Variants in RABGAP1L observed in about 807,000 individuals in gnomAD.
The protein encoded by RABGAP1L is RAB GTPase activating protein 1 like, also known as rab GTPase-activating protein 1-like.
In RABGAP1L, 63 loss-of-function variants were observed where a neutral mutation model predicts 137.7. That is an observed-to-expected ratio of 0.46 (90% confidence interval 0.37 to 0.56). RABGAP1L has a LOEUF of 0.56. Among genes scored for constraint, RABGAP1L ranks in the 20% least tolerant of loss-of-function variants. The pLI is 0.00. For missense variants in RABGAP1L, 1,095 were observed against 1,244.0 expected (o/e 0.88, Z 1.80); for synonymous variants, 431 against 433.7 (o/e 0.99, Z 0.08).
intron 19 of RABGAP1L, among the ~76,000 whole-genome samples, chr1:174,883,943 G>A (rs893962853): frequency 2.6e-5 from 4 of 152,306 alleles, no homozygotes; most frequent in Admixed American, 2.6e-4. Flanking sequence ...CAAAAGTGGA[G>A]ATTGCTATAG....
chr1:174,863,228 T>C (rs1220790821), intron 19 of RABGAP1L, among the ~76,000 whole-genome samples: 1 of 2,788 alleles, frequency 3.6e-4, no homozygotes, highest in Non-Finnish European at 6.2e-4. Flanking sequence ...ATGAGTTGTT[T>C]GTAGCAAAAA....
At chr1:174,983,039 T>C in intron 24 of RABGAP1L, 134 bp downstream of exon 24, 2 of 916,840 alleles carry the variant, frequency 2.2e-6, no homozygotes, top group South Asian at 3.1e-5. Flanking sequence ...CTAGGATACC[T>C]CTCTTCTGAC....
intron 14 of RABGAP1L, among the ~76,000 whole-genome samples, chr1:174,673,856 G>T (rs970039531): frequency 6.6e-6 from 1 of 152,146 alleles, no homozygotes; most frequent in Non-Finnish European, 1.5e-5. Flanking sequence ...AATAAAGATA[G>T]TTCTGTGGAA....
chr1:174,909,663 A>G (rs1321398581), intron 19 of RABGAP1L, among the ~76,000 whole-genome samples: 2 of 152,260 alleles, frequency 1.3e-5, no homozygotes, highest in African/African-American at 4.8e-5. Context: ...AAAAAAATAG[A>G]GAAGACCCAA....
chr1:174,465,818 A>G lies in RABGAP1L; in HGVS notation c.1710+71673A>G, dbSNP rs151254027. 1.4e-3 allele frequency among the ~76,000 whole-genome samples: 214 copies of G among 152,260 alleles called. 1 individual carries two copies. Among genetic ancestry groups the G allele is most frequent in the Non-Finnish European group, 2.3e-3 (157 of 68,002 alleles). The stretch of plus-strand genomic sequence containing the variant: ...ATGGACTTGGCACTTTTAACATATG[A>G]TCTTATGGTGAAAGACTTCTGATCT... On this transcript the variant is annotated intron_variant, in intron 13 of 25. Coordinates refer to ENST00000681986, the MANE Select transcript of RABGAP1L (RefSeq NM_001366446.1).
intron 18 of RABGAP1L, chr1:174,799,926 T>C (rs1688578527): frequency 1.1e-6 from 1 of 940,172 alleles, no homozygotes; most frequent in Admixed American, 1.1e-4. Flanking sequence ...ACACACCCTT[T>C]CTCGCACACA....
intron 14 of RABGAP1L, among the ~76,000 whole-genome samples, chr1:174,676,860 C>T (rs1029845464): frequency 6.6e-6 from 1 of 152,078 alleles, no homozygotes; most frequent in Admixed American, 6.5e-5. Context: ...TCTTTCCTCT[C>T]ATAATTTGAA....
At position 174,994,218 on chromosome 1, in the gene RABGAP1L, A is replaced by C. The variant is rs1476339464; in HGVS notation, c.*4217A>C. On this transcript the variant is annotated 3_prime_UTR_variant, in exon 26 of 26. Transcript: ENST00000681986. ...TCTTTCAAAAGTGACCAAAATGAGG[A>C]CTTCAACCTTGGCTGCACCTCAATA... The C allele has an allele frequency of 2.0e-5, 3 of 152,248 alleles. No homozygotes were observed. In the East Asian group the frequency reaches 5.8e-4, roughly 29 times the overall value. The allele number at this position is 152,248 out of a possible 1,614,324, so 9.4% of individuals were successfully genotyped here.
chr1:174,807,569 A>C (rs1689434525), intron 18 of RABGAP1L, among the ~76,000 whole-genome samples: 1 of 152,214 alleles, frequency 6.6e-6, no homozygotes, highest in South Asian at 2.1e-4. Context: ...TTGAGGTAAT[A>C]CTTAATGATT....
chr1:174,327,131 C>T (rs1295042139), intron 11 of RABGAP1L, among the ~76,000 whole-genome samples: 2 of 151,888 alleles, frequency 1.3e-5, no homozygotes, highest in Non-Finnish European at 2.9e-5. Flanking sequence ...GATATAAAAC[C>T]CACAGGAAAA....
chr1:174,901,054 TC>T (rs1658060212), intron 19 of RABGAP1L, among the ~76,000 whole-genome samples: 2 of 152,206 alleles, frequency 1.3e-5, no homozygotes, highest in Non-Finnish European at 2.9e-5. Flanking sequence ...GTCTTCAAGC[TC>T]TGAAATTCTT....
chr1:174,187,275 TGGCA>T (rs1666875777), intron 1 of RABGAP1L, among the ~76,000 whole-genome samples: 4 of 151,664 alleles, frequency 2.6e-5, no homozygotes, highest in Admixed American at 6.6e-5. Flanking sequence ...CTGCCAAATG[TGGCA>T]GGTAGAGTGA....
intron 14 of RABGAP1L, among the ~76,000 whole-genome samples, chr1:174,660,732 A>G (rs1323419987): frequency 6.6e-6 from 1 of 152,180 alleles, no homozygotes; most frequent in Non-Finnish European, 1.5e-5. Context: ...CACTTATCCA[A>G]GAAATCTACA....
In RABGAP1L at chr1:174,829,269, A is replaced by G. The variant is rs774351647; in HGVS notation, c.2340+17309A>G. ...ATTTTCCCTGAAAATACTTCTGGTA[A>G]TAAACAGGAAAATCCTCAAATGTTA... On this transcript the variant is annotated intron_variant, in intron 19 of 25. Transcript: ENST00000681986. Among the ~76,000 whole-genome samples, 58 of 148,484 alleles carry G rather than the reference A, an allele frequency of 3.9e-4. 5 individuals carry two copies. The highest frequency in any genetic ancestry group is 7.6e-4 in the Non-Finnish European group (51 of 66,670).
chr1:174,615,737 C>T (rs960335886), intron 13 of RABGAP1L, among the ~76,000 whole-genome samples: 3 of 152,198 alleles, frequency 2.0e-5, no homozygotes, highest in South Asian at 2.1e-4. Flanking sequence ...CCATCCAGTT[C>T]GAGCTTCCCG....
At chr1:174,358,496 A>G (rs1210135381) in intron 11 of RABGAP1L, among the ~76,000 whole-genome samples, 1 of 152,094 alleles carries the variant, frequency 6.6e-6, no homozygotes, top group Non-Finnish European at 1.5e-5. Context: ...TTATCTTGGC[A>G]CAGACATCAG....
At chr1:174,234,259 T>C in intron 4 of RABGAP1L, among the ~76,000 whole-genome samples, 1 of 111,310 alleles carries the variant, frequency 9.0e-6, no homozygotes, top group African/African-American at 5.1e-5. Context: ...GTGCAGAAGC[T>C]CTTTAGTTTA....
At position 174,249,087 on chromosome 1, in the gene RABGAP1L, A is replaced by C. The variant is rs577525574; in HGVS notation, c.718-1388A>C. Among the ~76,000 whole-genome samples the C allele has an allele frequency of 2.4e-4, 36 of 152,228 alleles. No homozygotes were observed. In the South Asian group the frequency reaches 7.3e-3, roughly 31 times the overall value. On this transcript the variant is annotated intron_variant, in intron 5 of 25. Coordinates refer to ENST00000681986, the MANE Select transcript of RABGAP1L (RefSeq NM_001366446.1). ...TGGATTTAGAGTACTTCTTCACTTT[A>C]AGGAAAGAATATGAGCTATACACAC... is the stretch of plus-strand genomic sequence containing the variant.
chr1:174,502,519 A>G (rs1004706935), intron 13 of RABGAP1L, among the ~76,000 whole-genome samples: 1 of 150,196 alleles, frequency 6.7e-6, no homozygotes, highest in African/African-American at 2.4e-5. Flanking sequence ...AACAGAAAAA[A>G]AGGAAACTCA....
Sources: allele counts gnomAD v4.1 joint callset (sites outside exome capture counted in the v4.1 genomes callset), GRCh38; gene constraint gnomAD v4.1.1; transcripts MANE v1.5; gene names NCBI Gene and HGNC (gene_info 2026-07-23, HGNC 2026-07-21).